Variants in CPSF1 observed in about 807,000 individuals in gnomAD.
CPSF1 encodes the protein cleavage and polyadenylation specific factor 1.
In CPSF1, 106 loss-of-function variants were observed where a neutral mutation model predicts 175.8. That is an observed-to-expected ratio of 0.60 (90% CI 0.52 to 0.71). The LOEUF (loss-of-function observed/expected upper bound fraction) is 0.71, where lower values mean the gene tolerates loss of function less well. Among genes scored for constraint, CPSF1 ranks in the 30% least tolerant of loss-of-function variants. The pLI, the probability that CPSF1 is intolerant of heterozygous loss-of-function variation, is 0.00. For missense variants in CPSF1, 1,734 were observed against 2,022.9 expected (o/e 0.86, Z 2.74); for synonymous variants, 1,024 against 858.3 (o/e 1.19, Z -3.37).
rs1821122733 is a variant in CPSF1, at chr8:144,400,402, T to A, written c.778A>T (p.Ser260Cys). The A allele has an allele frequency of 6.2e-7, 1 of 1,613,822 alleles. No individual in the cohort carries two copies. The highest frequency in any genetic ancestry group is 8.5e-7 in the Non-Finnish European group (1 of 1,179,974). ...KVHPVIWSLT[S>C]LPFDCTQALA... Reference sequence around the variant, plus strand: ...GCCTGGGTGCAGTCAAAGGGCAGGCTGGTGAGGGACCAGATGACGGGGTGC... The same window carrying A: ...GCCTGGGTGCAGTCAAAGGGCAGGCAGGTGAGGGACCAGATGACGGGGTGC... Residue 260 changes from serine to cysteine, a missense_variant, in exon 8 of 38, where the codon AGC becomes TGC. Transcript: ENST00000616140.
chr8:144,395,726 GCTC>G (rs1176412759), intron 26 of CPSF1, 175 bp from the exon 27 acceptor site: 1 of 615,788 alleles, frequency 1.6e-6, no homozygotes, highest in Non-Finnish European at 2.9e-6. Flanking sequence ...AGCCTCTGGG[GCTC>G]CTCCTGTCCA....
At chr8:144,403,637 C>T (rs2116895387) in intron 2 of CPSF1, among the ~76,000 whole-genome samples, 10 of 152,006 alleles carry the variant, frequency 6.6e-5, no homozygotes, top group Non-Finnish European at 1.3e-4. Context: ...CCTGCAACCT[C>T]TGCCTCCTGG....
chr8:144,398,803 G>C lies in CPSF1; in HGVS notation c.1614C>G (p.Val538=). The C allele has an allele frequency of 1.2e-6, 2 of 1,605,168 alleles. No homozygotes were observed. Among genetic ancestry groups the C allele is most frequent in the Non-Finnish European group, 1.7e-6 (2 of 1,173,832 alleles). Residue 538 remains valine (V), a synonymous_variant, in exon 17 of 38, where the codon GTC becomes GTG. Coordinates refer to ENST00000616140, the MANE Select transcript of CPSF1 (RefSeq NM_013291.3). ...CCTCCTCCTTACGCACCGGGGCGAT[G>C]ACTGTCCACATGTCATAGCAGCCGG... The part of the protein sequence containing the change: ...ELPGCYDMWT[V]IAPVRKEEED...
chr8:144,396,452 C>T lies in CPSF1; in HGVS notation c.2875G>A (p.Gly959Arg), dbSNP rs1554863745. The T allele has an allele frequency of 1.2e-6, 2 of 1,600,444 alleles. No homozygotes were observed. Among genetic ancestry groups the T allele is most frequent in the Non-Finnish European group, 1.7e-6 (2 of 1,174,796 alleles). Reference protein sequence around the residue: ...SPHWLLVTGRGALRLHPMAID... With the variant: ...SPHWLLVTGRRALRLHPMAID... ...GCCATGGGGTGTAGCCGCAGAGCCCCTCGGCCGGTCACCAAGAGCCAGTGA... is the reference window on the plus strand; with the variant it reads ...GCCATGGGGTGTAGCCGCAGAGCCCTTCGGCCGGTCACCAAGAGCCAGTGA... Residue 959 changes from glycine (G) to arginine (R), a missense_variant, in exon 26 of 38, where the codon GGG becomes AGG. Gly to Arg is a moderately radical substitution (Grantham distance 125, BLOSUM62 -2). This residue lies in a region of CPSF1 where 585 missense variants were observed against 584.7 expected (regional missense o/e 1.00). Transcript: ENST00000616140.
At chr8:144,406,248 G>A (rs1420517021) in intron 2 of CPSF1, among the ~76,000 whole-genome samples, 1 of 152,176 alleles carries the variant, frequency 6.6e-6, no homozygotes, top group East Asian at 1.9e-4. Context: ...ATCTCCTCCA[G>A]AGTTGTCTGT....
intron 2 of CPSF1, among the ~76,000 whole-genome samples, chr8:144,403,090 G>A (rs1192126759): frequency 9.5e-6 from 1 of 105,138 alleles, no homozygotes; most frequent in African/African-American, 3.8e-5. Context: ...AGCAAAAATA[G>A]GAGGAAAATT....
rs112839105 is a variant in CPSF1, at chr8:144,393,367, T to C, written c.4285-2A>G. On this transcript the variant is annotated splice_acceptor_variant, in intron 37 of 37. Transcript: ENST00000616140. LOFTEE classifies it high-confidence loss of function. ...CGTCTCCAGCAAGTCGTCCAGGATC[T>C]GCAGGGGATGGAAGGGTGGGTGGGT... 3 of 1,003,546 alleles carry C rather than the reference T, an allele frequency of 3.0e-6. No homozygotes were observed. The highest frequency in any genetic ancestry group is 2.6e-6 in the Non-Finnish European group (2 of 761,086). The allele number at this position is 1,003,546 out of a possible 1,614,324, so 62.2% of individuals were successfully genotyped here.
Position 144,401,222 on chromosome 8 carries a change from G to C in CPSF1, c.376C>G (p.Pro126Ala), listed in dbSNP as rs199995526. 138 of 1,550,520 alleles carry C rather than the reference G, an allele frequency of 8.9e-5. No homozygotes were observed. The East Asian group carries it at 3.4e-3, about 38-fold the overall frequency. The change falls in exon 5 of 38, where the codon CCT (proline) becomes GCT (alanine). Residue 126 changes from proline (P) to alanine (A), a missense_variant. By Grantham distance (27) the Pro-to-Ala change is conservative. Transcript: ENST00000616140. ...GAGCGCGGCCCTACCCGAAGCTCAGGCTCCTCAAAGTAGTGCAGTGACAGG... is the reference window on the plus strand; with the variant it reads ...GAGCGCGGCCCTACCCGAAGCTCAGCCTCCTCAAAGTAGTGCAGTGACAGG... Reference protein sequence around the residue: ...KTLSLHYFEEPELRDGFVQNV... With the variant: ...KTLSLHYFEEAELRDGFVQNV...
rs2116909527 is a variant in CPSF1 at position 144,407,859 on chromosome 8, C to T, written c.144+1156G>A. ...GTGCACCCAGCCTGAGATTCGGTTA[C>T]AGGACTCGCCGTGGCTTCAGTCTTG... On this transcript the variant is annotated intron_variant, in intron 2 of 37. Coordinates refer to ENST00000616140, the MANE Select transcript of CPSF1 (RefSeq NM_013291.3). Among the ~76,000 whole-genome samples, 4 of 152,258 alleles carry T rather than the reference C, an allele frequency of 2.6e-5. No individual in the cohort carries two copies. In the East Asian group the frequency reaches 5.8e-4, roughly 22 times the overall value.
chr8:144,409,019 G>C lies in CPSF1; in HGVS notation c.140C>G (p.Ala47Gly), dbSNP rs782810032. The stretch of plus-strand genomic sequence containing the variant: ...GGCTCCCAGGGCCCGACCTACCTCG[G>C]CGTCGCGGTTGAGGCGGTACACGTA... ...QLYVYRLNRD[A>G]EALTKNDRST... The change falls in exon 2 of 38, where the codon GCC (alanine) becomes GGC (glycine). Residue 47 changes from alanine (A) to glycine (G), a missense_variant. By Grantham distance (60) the Ala-to-Gly change is moderately conservative (BLOSUM62 0). Coordinates refer to ENST00000616140, the MANE Select transcript of CPSF1 (RefSeq NM_013291.3). 2 of 1,612,952 alleles carry C rather than the reference G, an allele frequency of 1.2e-6. No homozygotes were observed. The highest frequency in any genetic ancestry group is 1.1e-5 in the South Asian group (1 of 91,032).
chr8:144,400,400 G>A lies in CPSF1; in HGVS notation c.780C>T (p.Ser260=). ...KVHPVIWSLT[S]LPFDCTQALA... ...GAGCCTGGGTGCAGTCAAAGGGCAG[G>A]CTGGTGAGGGACCAGATGACGGGGT... Residue 260 remains serine (S), a synonymous_variant, in exon 8 of 38, where the codon AGC becomes AGT. Coordinates refer to ENST00000616140, the MANE Select transcript of CPSF1 (RefSeq NM_013291.3). The A allele has an allele frequency of 6.2e-7, 1 of 1,613,872 alleles. No individual in the cohort carries two copies. Among genetic ancestry groups the A allele is most frequent in the Non-Finnish European group, 8.5e-7 (1 of 1,179,980 alleles).
In CPSF1 at chr8:144,397,482, C is replaced by T; in HGVS notation, c.2385+5G>A. Reference sequence around the variant, plus strand: ...CGCTGGGCCACAGTGCAGGGCACCACCTACCTCCATGGTGCCATTCTCCCG... The same window carrying T: ...CGCTGGGCCACAGTGCAGGGCACCATCTACCTCCATGGTGCCATTCTCCCG... On this transcript the variant is annotated splice_donor_5th_base_variant and intron_variant, in intron 22 of 37. Coordinates refer to ENST00000616140, the MANE Select transcript of CPSF1 (RefSeq NM_013291.3). 1 of 1,597,942 alleles carries T rather than the reference C, an allele frequency of 6.3e-7. No homozygotes were observed. Among genetic ancestry groups the T allele is most frequent in the South Asian group, 1.1e-5 (1 of 90,024 alleles).
chr8:144,397,460 T>C, intron 22 of CPSF1, 27 bp downstream of exon 22: 1 of 1,593,928 alleles, frequency 6.3e-7, no homozygotes, highest in Non-Finnish European at 8.5e-7. Context: ...TGGAACCCGC[T>C]GGGCCACAGT....
chr8:144,397,437 G>C, intron 22 of CPSF1, 24 bp from the exon 23 acceptor site: 1 of 1,579,278 alleles, frequency 6.3e-7, no homozygotes, highest in Non-Finnish European at 8.6e-7. Flanking sequence ...AGCAGTCAGT[G>C]GAGGCAGGTG....
At chr8:144,407,634 G>C (rs1485075535) in intron 2 of CPSF1, among the ~76,000 whole-genome samples, 1 of 152,128 alleles carries the variant, frequency 6.6e-6, no homozygotes, top group East Asian at 1.9e-4. Flanking sequence ...ACGAGGCGGA[G>C]GTTAAAGTTA....
intron 2 of CPSF1, among the ~76,000 whole-genome samples, chr8:144,403,013 T>G (rs1336356987): frequency 1.3e-5 from 2 of 151,918 alleles, no homozygotes; most frequent in Non-Finnish European, 2.9e-5. Flanking sequence ...AGGAGAAAAA[T>G]CATGTCATTT....
chr8:144,404,656 C>G (rs569202706), intron 2 of CPSF1, among the ~76,000 whole-genome samples: 1 of 151,624 alleles, frequency 6.6e-6, no homozygotes, highest in Non-Finnish European at 1.5e-5. Context: ...AGGCGTGAGC[C>G]ACTGCGCCCG....
chr8:144,400,039 G>T lies in CPSF1; in HGVS notation c.984C>A (p.Thr328=). ...VRITLDCAQA[T]FISYDKMVIS... is the part of the protein sequence containing the mutation. ...TGACCATCTTGTCGTAGGAGATGAA[G>T]GTGGCCTGGGCGCAGTCCAGGGTGA... The change falls in exon 10 of 38, where the codon ACC becomes ACA. Residue 328 remains threonine (T), a synonymous_variant. Transcript: ENST00000616140. The T allele has an allele frequency of 1.2e-6, 2 of 1,612,302 alleles. No individual in the cohort carries two copies. Among genetic ancestry groups the T allele is most frequent in the Non-Finnish European group, 1.7e-6 (2 of 1,179,898 alleles).
rs782453554 is a variant in CPSF1, at chr8:144,393,978, T to G, written c.3920A>C (p.His1307Pro). ...CGGGGTCCTCCAGAACGTGTTCACG[T>G]GGGCACCCACGTGGAAGTCTGCCCG... ...LRRADFHVGA[H>P]VNTFWRTPCR... The change falls in exon 35 of 38, where the codon CAC becomes CCC. Residue 1307 changes from histidine (H) to proline (P), a missense_variant. His to Pro is a moderately conservative substitution (Grantham distance 77). This residue lies in a region of CPSF1 where 323 missense variants were observed against 338.5 expected (regional missense o/e 0.95). Transcript: ENST00000616140. The G allele has an allele frequency of 1.2e-6, 2 of 1,613,432 alleles. No individual in the cohort carries two copies. The highest frequency in any genetic ancestry group is 2.7e-5 in the African/African-American group (2 of 74,898).
Sources: allele counts gnomAD v4.1 joint callset (sites outside exome capture counted in the v4.1 genomes callset), GRCh38; gene constraint gnomAD v4.1.1; regional missense constraint gnomAD v4.1.1; transcripts MANE v1.5; gene names NCBI Gene and HGNC (gene_info 2026-07-23, HGNC 2026-07-21).